Variants in SCEL observed in about 807,000 individuals in gnomAD.
SCEL encodes sciellin.
A neutral mutation model predicts 117.6 loss-of-function variants in SCEL; 113 were observed. The ratio of observed to expected loss-of-function variants is 0.96; its 90% CI spans 0.83 to 1.12. The LOEUF (loss-of-function observed/expected upper bound fraction) is 1.12. SCEL is among the 50% of genes most tolerant of loss of function. SCEL has a pLI of 0.00. For synonymous variants in SCEL, 270 were observed against 256.2 expected (o/e 1.05, Z -0.51); for missense variants, 785 against 810.8 (o/e 0.97, Z 0.39).
intron 29 of SCEL, among the ~76,000 whole-genome samples, chr13:77,635,587 T>A (rs1244715357): frequency 1.3e-5 from 2 of 152,234 alleles, no homozygotes; most frequent in African/African-American, 4.8e-5. Flanking sequence ...GATTTTTGAA[T>A]AATGAATGAT....
Position 77,617,494 on chromosome 13 carries a change from TA to T in SCEL, c.1452-101del, listed in dbSNP as rs2089139348. On this transcript the variant is annotated intron_variant, in intron 24 of 32. Transcript: ENST00000349847. ...AACGTATTTCATAGTTAGTCAATAC[TA>T]AAATAATATGTCTCATACTATTATC... 3.8e-5 allele frequency: 25 copies of T among 655,668 alleles called. No homozygotes were observed. The South Asian group carries it at 5.1e-4, about 13-fold the overall frequency. The allele number at this position is 655,668 out of a possible 1,614,324, so 40.6% of individuals were successfully genotyped here.
intron 12 of SCEL, among the ~76,000 whole-genome samples, chr13:77,594,409 C>G (rs1047899580): frequency 2.9e-4 from 44 of 152,220 alleles, no homozygotes; most frequent in African/African-American, 9.9e-4. Flanking sequence ...TTTGTTTATA[C>G]CACATGGTAG....
In SCEL at chr13:77,593,032, A is replaced by T. The variant is rs376831125; in HGVS notation, c.693-482A>T. 3.3e-5 allele frequency among the ~76,000 whole-genome samples: 5 copies of T among 152,154 alleles called. No homozygotes were observed. The East Asian group carries it at 7.7e-4, about 23-fold the overall frequency. ...TTTCACCCCTTTAGGGTGAAAAGGA[A>T]TAATTAATTAATTAATTGTATCTGT... On this transcript the variant is annotated intron_variant, in intron 11 of 32. Coordinates refer to ENST00000349847, the MANE Select transcript of SCEL (RefSeq NM_144777.3).
chr13:77,572,212 A>G, intron 9 of SCEL, 23 bp downstream of exon 9: 1 of 1,554,006 alleles, frequency 6.4e-7, no homozygotes. Flanking sequence ...TGTCAGGCGT[A>G]ATTGCTGTGC....
chr13:77,536,518 G>A (rs2083429705), intron 1 of SCEL, among the ~76,000 whole-genome samples: 1 of 152,210 alleles, frequency 6.6e-6, no homozygotes, highest in East Asian at 1.9e-4. Flanking sequence ...AACCTAAGGA[G>A]TGATTAATGT....
At position 77,637,341 on chromosome 13, in the gene SCEL, T is replaced by TATACATATATAAAC. The variant is rs1567449591; in HGVS notation, c.1838+150_1838+151insCATATATAAACATA. 2.3e-4 allele frequency: 35 copies of TATACATATATAAAC among 154,520 alleles called. 1 individual carries two copies. The highest frequency in any genetic ancestry group is 3.6e-4 in the Non-Finnish European group (27 of 74,648). 9.6% of individuals were successfully genotyped at this position (154,520 alleles called of 1,614,324 possible). ...ATAAATATATATACATATATAAACA[T>TATACATATATAAAC]ATATACATATATAAACATATATACA... On this transcript the variant is annotated intron_variant, in intron 30 of 32. Coordinates refer to ENST00000349847, the MANE Select transcript of SCEL (RefSeq NM_144777.3).
intron 15 of SCEL, among the ~76,000 whole-genome samples, chr13:77,601,078 T>A (rs1474209533): frequency 2.0e-5 from 3 of 151,082 alleles, no homozygotes; most frequent in African/African-American, 7.3e-5. Flanking sequence ...GACAATTTTT[T>A]AAAAATGTGG....
At chr13:77,597,225 A>G (rs1446146692) in intron 12 of SCEL, 4 of 294,624 alleles carry the variant, frequency 1.4e-5, no homozygotes, top group Non-Finnish European at 2.5e-5. Context: ...GCCTGTGCTG[A>G]GGTAGGAGCA....
chr13:77,635,389 G>A (rs2090227495), intron 29 of SCEL, among the ~76,000 whole-genome samples: 1 of 152,110 alleles, frequency 6.6e-6, no homozygotes, highest in Non-Finnish European at 1.5e-5. Context: ...TTGATAAAAA[G>A]ATGAGTAATA....
At chr13:77,602,741 A>G in intron 17 of SCEL, 28 bp downstream of exon 17, 2 of 1,592,744 alleles carry the variant, frequency 1.3e-6, no homozygotes, top group Non-Finnish European at 1.7e-6. Context: ...GTCTCTAAAT[A>G]TTGGTTATTT....
intron 9 of SCEL, among the ~76,000 whole-genome samples, chr13:77,588,417 G>A (rs147805508): frequency 7.9e-4 from 121 of 152,286 alleles, no homozygotes; most frequent in African/African-American, 2.8e-3. Context: ...CAGGTACAGA[G>A]TTTATGTTGA....
chr13:77,602,076 T>G lies in SCEL; in HGVS notation c.929T>G (p.Leu310Arg). The change falls in exon 16 of 33, where the codon CTT becomes CGT. Residue 310 changes from leucine to arginine, a missense_variant. By Grantham distance (102) the Leu-to-Arg change is moderately radical (BLOSUM62 -2). Transcript: ENST00000349847. ...TDKDGKGIQS[L>R]GSPIKVNQRT... Reference sequence around the variant, plus strand: ...CCAATGTTGTAAAGAATCCAAAGCCTTGGAAGTCCGATTAAAGTTAATCAA... The same window carrying G: ...CCAATGTTGTAAAGAATCCAAAGCCGTGGAAGTCCGATTAAAGTTAATCAA... 1 of 1,610,626 alleles carries G rather than the reference T, an allele frequency of 6.2e-7. No homozygotes were observed.
At chr13:77,602,575 A>G (rs2087785112) in intron 16 of SCEL, 79 bp from the exon 17 acceptor site, 3 of 1,230,586 alleles carry the variant, frequency 2.4e-6, no homozygotes, top group Non-Finnish European at 3.6e-6. Flanking sequence ...CACCACATTC[A>G]GGGACATTCT....
At chr13:77,630,384 A>G (rs2089969197) in intron 28 of SCEL, among the ~76,000 whole-genome samples, 2 of 152,336 alleles carry the variant, frequency 1.3e-5, no homozygotes, top group Non-Finnish European at 1.5e-5. Flanking sequence ...TTCAAATCAT[A>G]TAATTATAAG....
At chr13:77,548,192 C>T (rs1034941445) in intron 1 of SCEL, among the ~76,000 whole-genome samples, 2 of 152,136 alleles carry the variant, frequency 1.3e-5, no homozygotes, top group Admixed American at 6.5e-5. Context: ...CCATAACAAC[C>T]TTTTAAGATT....
Position 77,609,049 on chromosome 13 carries a change from TG to T in SCEL, c.1218-8del, listed in dbSNP as rs776244175. 8.9e-6 allele frequency: 14 copies of T among 1,579,170 alleles called. No homozygotes were observed. The highest frequency in any genetic ancestry group is 1.2e-5 in the Non-Finnish European group (14 of 1,166,418). ...TTATTTATGATGTTTTTTGTTTTTT[TG>T]TTTGAAGTTCCAAAGACCTTAATAA... On this transcript the variant is annotated splice_polypyrimidine_tract_variant and splice_region_variant and intron_variant, in intron 20 of 32. Coordinates refer to ENST00000349847, the MANE Select transcript of SCEL (RefSeq NM_144777.3).
intron 27 of SCEL, among the ~76,000 whole-genome samples, chr13:77,626,894 G>C (rs2089764187): frequency 6.6e-6 from 1 of 151,806 alleles, no homozygotes; most frequent in East Asian, 1.9e-4. Flanking sequence ...TCATTGTTTT[G>C]ACTTCTAAAC....
At chr13:77,585,989 C>T (rs1204860308) in intron 9 of SCEL, among the ~76,000 whole-genome samples, 1 of 152,114 alleles carries the variant, frequency 6.6e-6, no homozygotes, top group African/African-American at 2.4e-5. Context: ...TTCTCATCAC[C>T]ACCTGCTGTT....
intron 1 of SCEL, among the ~76,000 whole-genome samples, chr13:77,553,026 T>G (rs1355546085): frequency 1.3e-5 from 2 of 152,322 alleles, no homozygotes; most frequent in East Asian, 3.9e-4. Context: ...TGTAGATATG[T>G]GGTGTCAAGA....
Sources: gnomAD v4.1 joint callset for allele counts (sites outside exome capture counted in the v4.1 genomes callset) on GRCh38, gnomAD v4.1.1 for gene constraint, MANE v1.5 for transcripts, NCBI Gene and HGNC (gene_info 2026-07-23, HGNC 2026-07-21) for gene names.